ETV6: variants seen among roughly 807,000 people sequenced by gnomAD.
The protein encoded by ETV6 is transcription factor ETV6.
ETV6 carries 16 observed loss-of-function variants against 51.1 expected under a neutral mutation model. The observed-to-expected ratio is 0.31, with a 90% CI of 0.21 to 0.48. The LOEUF (loss-of-function observed/expected upper bound fraction) is 0.48, where lower values mean the gene tolerates loss of function less well. ETV6 is among the 20% of genes least tolerant of loss of function. The probability of loss-of-function intolerance (pLI) is 0.99; values close to 1 mark genes in which losing one functional copy is unlikely to be tolerated. For synonymous variants in ETV6, 240 were observed against 224.1 expected (o/e 1.07, Z -0.64); for missense variants, 458 against 594.8 (o/e 0.77, Z 2.39).
chr12:11,873,296 A>G (rs1006153489), intron 5 of ETV6, among the ~76,000 whole-genome samples: 1 of 152,006 alleles, frequency 6.6e-6, no homozygotes, highest in Admixed American at 6.6e-5. Flanking sequence ...AGTTTTAAGC[A>G]CCTTTGTTTC....
intron 1 of ETV6, among the ~76,000 whole-genome samples, chr12:11,653,985 G>A (rs899502153): frequency 6.6e-6 from 1 of 151,910 alleles, no homozygotes; most frequent in African/African-American, 2.4e-5. Flanking sequence ...GCTAATTTTT[G>A]TGCTTTTGGT....
chr12:11,836,178 T>A (rs1465368658), intron 2 of ETV6, among the ~76,000 whole-genome samples: 1 of 150,318 alleles, frequency 6.7e-6, no homozygotes, highest in East Asian at 2.0e-4. Flanking sequence ...GAAAAGGGGC[T>A]TTTTCCCCCC....
chr12:11,675,919 G>C (rs1348225468), intron 1 of ETV6, among the ~76,000 whole-genome samples: 7 of 152,030 alleles, frequency 4.6e-5, no homozygotes, highest in Admixed American at 1.3e-4. Context: ...GAGAGAAATT[G>C]ATGCAGGAAG....
At chr12:11,805,292 A>G (rs1945812750) in intron 2 of ETV6, among the ~76,000 whole-genome samples, 2 of 152,254 alleles carry the variant, frequency 1.3e-5, no homozygotes, top group South Asian at 4.2e-4. Context: ...TCAGATACCA[A>G]TTGTCCGTCT....
intron 3 of ETV6, among the ~76,000 whole-genome samples, chr12:11,851,263 A>C (rs950168641): frequency 2.0e-5 from 3 of 151,776 alleles, no homozygotes; most frequent in African/African-American, 7.3e-5. Flanking sequence ...AGTAATCATC[A>C]GGAACACATT....
At chr12:11,789,699 A>G (rs1034085550) in intron 2 of ETV6, among the ~76,000 whole-genome samples, 10 of 152,100 alleles carry the variant, frequency 6.6e-5, no homozygotes, top group South Asian at 4.1e-4. Flanking sequence ...GTCTTACTGT[A>G]TGATTTTAGA....
intron 5 of ETV6, among the ~76,000 whole-genome samples, chr12:11,880,689 AG>A (rs1947077658): frequency 6.6e-6 from 1 of 152,136 alleles, no homozygotes; most frequent in Admixed American, 6.5e-5. Context: ...TAGAGTCAAG[AG>A]GGCTGCCATG....
chr12:11,839,249 C>A lies in ETV6; in HGVS notation c.273C>A (p.Gly91=), dbSNP rs771277072. 1.2e-6 allele frequency: 2 copies of A among 1,614,218 alleles called. No individual in the cohort carries two copies. Among genetic ancestry groups the A allele is most frequent in the Admixed American group, 3.3e-5 (2 of 60,032 alleles). Residue 91 remains glycine (G), a synonymous_variant, in exon 3 of 8, where the codon GGC becomes GGA. Coordinates refer to ENST00000396373, the MANE Select transcript of ETV6 (RefSeq NM_001987.5). ...PIDSNTFEMN[G]KALLLLTKED... ...ACAGCAACACGTTTGAAATGAATGG[C>A]AAAGCTCTCCTGCTGCTGACCAAAG...
intron 3 of ETV6, among the ~76,000 whole-genome samples, chr12:11,848,379 A>G (rs571028871): frequency 1.8e-4 from 27 of 152,316 alleles, no homozygotes; most frequent in Admixed American, 1.7e-3. Flanking sequence ...TTTCCTCTAA[A>G]ATTAAGTAAC....
intron 1 of ETV6, 24 bp downstream of exon 1, chr12:11,650,184 T>C: frequency 6.2e-7 from 1 of 1,608,730 alleles, no homozygotes; most frequent in Non-Finnish European, 8.5e-7. Context: ...CCCCTCCTTC[T>C]ACGTGGTGGA....
intron 1 of ETV6, among the ~76,000 whole-genome samples, chr12:11,730,059 G>A (rs115389251): frequency 7.5e-4 from 114 of 152,308 alleles, no homozygotes; most frequent in African/African-American, 2.7e-3. Flanking sequence ...GCAACCAGAG[G>A]ACTTGCTGCC....
intron 7 of ETV6, among the ~76,000 whole-genome samples, chr12:11,886,799 G>A (rs1947194138): frequency 2.0e-5 from 3 of 152,208 alleles, no homozygotes; most frequent in Admixed American, 2.0e-4. Flanking sequence ...CCAATCAGGA[G>A]ATGTAGAAGT....
intron 2 of ETV6, among the ~76,000 whole-genome samples, chr12:11,787,690 C>T (rs765927573): frequency 2.6e-5 from 4 of 152,088 alleles, no homozygotes; most frequent in Non-Finnish European, 4.4e-5. Context: ...AGGAGTAGGC[C>T]AGCATACTTT....
intron 1 of ETV6, among the ~76,000 whole-genome samples, chr12:11,692,192 A>C (rs192763610): frequency 1.2e-4 from 19 of 152,184 alleles, no homozygotes; most frequent in African/African-American, 4.6e-4. Flanking sequence ...TATTATGGGA[A>C]TGGGACTGGT....
chr12:11,861,811 C>T (rs1025249949), intron 4 of ETV6, among the ~76,000 whole-genome samples: 2 of 152,172 alleles, frequency 1.3e-5, no homozygotes, highest in African/African-American at 4.8e-5. Flanking sequence ...ATCTCTGTGC[C>T]ACCTGTGACC....
At chr12:11,818,592 G>C (rs1591695779) in intron 2 of ETV6, among the ~76,000 whole-genome samples, 1 of 151,670 alleles carries the variant, frequency 6.6e-6, no homozygotes, top group Non-Finnish European at 1.5e-5. Flanking sequence ...TGGGCACACT[G>C]TATGTTCTCA....
At chr12:11,867,244 T>G (rs909269635) in intron 4 of ETV6, among the ~76,000 whole-genome samples, 3 of 152,208 alleles carry the variant, frequency 2.0e-5, no homozygotes, top group Admixed American at 6.5e-5. Flanking sequence ...GCCCCTTTCC[T>G]TGTTTAGATA....
chr12:11,856,536 AAGGCACAGAAGTGATATGAAG>A (rs1429822098), intron 4 of ETV6, among the ~76,000 whole-genome samples: 1 of 152,154 alleles, frequency 6.6e-6, no homozygotes, highest in Non-Finnish European at 1.5e-5. Context: ...AGAGCTTTCC[AAGGCACAGAAGTGATATGAAG>A]AGGTGGCCCT....
chr12:11,820,650 G>A (rs371551873), intron 2 of ETV6, among the ~76,000 whole-genome samples: 8 of 152,112 alleles, frequency 5.3e-5, no homozygotes, highest in Non-Finnish European at 7.4e-5. Flanking sequence ...AGAGGTCAGC[G>A]TGGCTGGAGC....
Sources: allele counts gnomAD v4.1 joint callset (sites outside exome capture counted in the v4.1 genomes callset), GRCh38; gene constraint gnomAD v4.1.1; transcripts MANE v1.5; gene names NCBI Gene and HGNC (gene_info 2026-07-23, HGNC 2026-07-21).